ABCA13: variants seen among roughly 807,000 people sequenced by gnomAD.
ABCA13 encodes the protein ATP binding cassette subfamily A member 13, also known as ATP-binding cassette sub-family A member 13.
ABCA13 carries 476 observed loss-of-function variants against 478.7 expected under a neutral mutation model. The ratio of observed to expected loss-of-function variants is 0.99; its 90% CI spans 0.92 to 1.07. The LOEUF is 1.07. Ranked by LOEUF, ABCA13 falls within the 50% of genes least tolerant of loss-of-function variation. The pLI, the probability that ABCA13 is intolerant of heterozygous loss-of-function variation, is 0.00. For synonymous variants in ABCA13, 2,252 were observed against 2,158.9 expected (o/e 1.04, Z -1.20); for missense variants, 6,060 against 5,910.6 (o/e 1.03, Z -0.83).
intron 55 of ABCA13, among the ~76,000 whole-genome samples, chr7:48,570,319 CT>C (rs35693419): frequency 0.061 from 5,353 of 88,082 alleles, 29 homozygotes; most frequent in Non-Finnish European, 0.07. Flanking sequence ...TTTGCATCCT[CT>C]TTTTTTTTTT....
Position 48,406,487 on chromosome 7 carries a change from G to T in ABCA13, c.12070+2608G>T, listed in dbSNP as rs1303922304. The stretch of plus-strand genomic sequence containing the variant: ...TCATTATTATTATTAAAATAGACAA[G>T]GGGCGAATGTGGGAAGCGCAGCTTT... On this transcript the variant is annotated intron_variant, in intron 39 of 61. Coordinates refer to ENST00000435803, the MANE Select transcript of ABCA13 (RefSeq NM_152701.5). 2.6e-5 allele frequency among the ~76,000 whole-genome samples: 4 copies of T among 152,176 alleles called. No homozygotes were observed. In the South Asian group the frequency reaches 8.3e-4, roughly 32 times the overall value.
chr7:48,296,683 C>T (rs923468652), intron 21 of ABCA13, among the ~76,000 whole-genome samples: 1 of 152,010 alleles, frequency 6.6e-6, no homozygotes, highest in African/African-American at 2.4e-5. Flanking sequence ...AGGATGGTCT[C>T]CATCTCCTGA....
intron 59 of ABCA13, among the ~76,000 whole-genome samples, chr7:48,643,024 C>T (rs1398311603): frequency 6.6e-6 from 1 of 152,110 alleles, no homozygotes; most frequent in East Asian, 1.9e-4. Context: ...TTTCACCTTC[C>T]CTCTTTTATT....
chr7:48,636,892 T>C (rs1794681294), intron 59 of ABCA13, among the ~76,000 whole-genome samples: 1 of 152,180 alleles, frequency 6.6e-6, no homozygotes, highest in African/African-American at 2.4e-5. Context: ...TCAAAGCCTT[T>C]TCTTAACAAT....
Position 48,646,638 on chromosome 7 carries a change from G to A in ABCA13, c.*1126G>A, listed in dbSNP as rs1041134446. The A allele has an allele frequency of 4.6e-5, 7 of 151,972 alleles. No individual in the cohort carries two copies. The highest frequency in any genetic ancestry group is 1.7e-4 in the African/African-American group (7 of 41,346). 9.4% of individuals were successfully genotyped at this position (151,972 alleles called of 1,614,324 possible). A position where few individuals can be genotyped will look rare whatever the true frequency, so the allele number is the denominator to read the frequency against. On this transcript the variant is annotated 3_prime_UTR_variant, in exon 62 of 62. Transcript: ENST00000435803. ...GGGTTCACGCCATTCTCCTGCCTCA[G>A]CCTCCCCAGCAGCTGGGACTACAGG...
intron 41 of ABCA13, among the ~76,000 whole-genome samples, chr7:48,424,875 A>G (rs1420533776): frequency 2.0e-5 from 3 of 152,178 alleles, no homozygotes; most frequent in Admixed American, 6.5e-5. Context: ...AGTAACCTTT[A>G]TTTGCCCTCT....
intron 23 of ABCA13, among the ~76,000 whole-genome samples, chr7:48,304,200 A>G (rs1026297783): frequency 5.3e-5 from 8 of 152,212 alleles, no homozygotes; most frequent in Admixed American, 5.2e-4. Context: ...TTTTATTTCC[A>G]TCACGACTTC....
chr7:48,184,307 T>C (rs1009977717), intron 1 of ABCA13, among the ~76,000 whole-genome samples: 1 of 152,210 alleles, frequency 6.6e-6, no homozygotes, highest in African/African-American at 2.4e-5. Flanking sequence ...CATTTGTAGG[T>C]ATTACAGATA....
chr7:48,178,982 T>C (rs368077327), intron 1 of ABCA13, among the ~76,000 whole-genome samples: 26,307 of 107,890 alleles, frequency 0.24, 2,676 homozygotes, highest in Admixed American at 0.35. Flanking sequence ...AAACTAATAA[T>C]AATAATAATA....
chr7:48,527,630 A>C (rs1832970032), intron 54 of ABCA13, among the ~76,000 whole-genome samples: 1 of 152,320 alleles, frequency 6.6e-6, no homozygotes. Flanking sequence ...CTCTATGCTC[A>C]ATGTCAGAAT....
intron 55 of ABCA13, among the ~76,000 whole-genome samples, chr7:48,565,152 T>A (rs1786898900): frequency 6.6e-6 from 1 of 150,768 alleles, no homozygotes; most frequent in Non-Finnish European, 1.5e-5. Flanking sequence ...TTTCCTCCAA[T>A]AAATTATTAA....
At chr7:48,471,263 A>G (rs1270531358) in intron 44 of ABCA13, among the ~76,000 whole-genome samples, 1 of 152,248 alleles carries the variant, frequency 6.6e-6, no homozygotes, top group Admixed American at 6.5e-5. Context: ...CCGCACCGTG[A>G]AAGTCCTAGG....
At chr7:48,426,112 A>G (rs573071186) in intron 41 of ABCA13, among the ~76,000 whole-genome samples, 6 of 152,242 alleles carry the variant, frequency 3.9e-5, no homozygotes, top group Admixed American at 1.3e-4. Context: ...TCAAGGTCAC[A>G]TGGCTGGCGC....
rs762509092 is a variant in ABCA13 at position 48,274,563 on chromosome 7, C to A, written c.4897C>A (p.Gln1633Lys). The A allele has an allele frequency of 9.9e-6, 16 of 1,613,854 alleles. No homozygotes were observed. In the South Asian group the frequency reaches 1.8e-4, roughly 18 times the overall value. ...EIMKATGLGI[Q>K]LIRDVFNSLM... The stretch of plus-strand genomic sequence containing the variant: ...AATGAAAGCTACAGGTCTTGGTATT[C>A]AACTGATAAGGGATGTGTTCAACTC... The change falls in exon 17 of 62, where the codon CAA becomes AAA. Residue 1633 changes from glutamine to lysine, a missense_variant. This residue lies in a region of ABCA13 where 4,423 missense variants were observed against 4,309.1 expected (regional missense o/e 1.03). Transcript: ENST00000435803.
At chr7:48,594,979 A>G (rs1790136627) in intron 58 of ABCA13, among the ~76,000 whole-genome samples, 166 bp downstream of exon 58, 3 of 152,220 alleles carry the variant, frequency 2.0e-5, no homozygotes, top group Admixed American at 6.5e-5. Context: ...TTGAGACTGA[A>G]GCCATGAGGG....
intron 45 of ABCA13, among the ~76,000 whole-genome samples, chr7:48,479,265 T>C (rs1828501737): frequency 6.6e-6 from 1 of 151,160 alleles, no homozygotes. Flanking sequence ...TGAGACAGAG[T>C]CTCGCTCTGT....
chr7:48,560,360 G>T (rs915654055), intron 55 of ABCA13, among the ~76,000 whole-genome samples: 2 of 152,148 alleles, frequency 1.3e-5, no homozygotes, highest in African/African-American at 4.8e-5. Context: ...CAAGTGCACA[G>T]ATTCCCTCTC....
rs1833421171 is a variant in ABCA13 at position 48,534,189 on chromosome 7, ATTTG to A, written c.14354+5850_14354+5853del. Among the ~76,000 whole-genome samples the A allele has an allele frequency of 2.0e-5, 3 of 152,034 alleles. No homozygotes were observed. In the South Asian group the frequency reaches 6.2e-4, roughly 32 times the overall value. ...GCTGGTAGTGGCGAATTCTCTCAGC[ATTTG>A]TTTGTCTGTAAAAGACTGTATCTTT... On this transcript the variant is annotated intron_variant, in intron 55 of 61. Coordinates refer to ENST00000435803, the MANE Select transcript of ABCA13 (RefSeq NM_152701.5).
In ABCA13 at chr7:48,278,979, T is replaced by G; in HGVS notation, c.7785T>G (p.Leu2595=). ...EKINDLLVPF[L]DLAFEMIGVE... is the part of the protein sequence containing the mutation. The stretch of plus-strand genomic sequence containing the variant: ...TAAATGATTTGTTGGTGCCATTTCT[T>G]GACTTGGCCTTTGAAATGATTGGGG... Residue 2595 remains leucine, a synonymous_variant, in exon 18 of 62, where the codon CTT becomes CTG. Coordinates refer to ENST00000435803, the MANE Select transcript of ABCA13 (RefSeq NM_152701.5). 2 of 1,613,440 alleles carry G rather than the reference T, an allele frequency of 1.2e-6. No homozygotes were observed. Among genetic ancestry groups the G allele is most frequent in the Non-Finnish European group, 1.7e-6 (2 of 1,179,800 alleles).
Sources: gnomAD v4.1 joint callset for allele counts (sites outside exome capture counted in the v4.1 genomes callset) on GRCh38, gnomAD v4.1.1 for gene constraint, gnomAD v4.1.1 regional missense constraint, MANE v1.5 for transcripts, NCBI Gene and HGNC (gene_info 2026-07-23, HGNC 2026-07-21) for gene names.